Variants in TMEM213 observed in about 807,000 individuals in gnomAD.
TMEM213 encodes the protein transmembrane protein 213.
TMEM213 carries 7 observed loss-of-function variants against 11.6 expected under a neutral mutation model. That is an observed-to-expected ratio of 0.60 (90% CI 0.34 to 1.13). The LOEUF is 1.13. Ranked by LOEUF, TMEM213 falls within the 50% of genes most tolerant of loss-of-function variation. The pLI, the probability that TMEM213 is intolerant of heterozygous loss-of-function variation, is 0.03. For missense variants in TMEM213, 129 were observed against 139.0 expected, an observed-to-expected ratio of 0.93 and a Z score of 0.36; for synonymous variants, 60 against 58.3, an observed-to-expected ratio of 1.03 and a Z score of -0.13.
chr7:138,799,171 G>A (rs1303359489), intron 1 of TMEM213: 4 of 152,144 alleles, frequency 2.6e-5, no homozygotes, highest in South Asian at 2.1e-4. Context: ...TTGTCAAGAC[G>A]AATTGATGTA....
intron 1 of TMEM213, among the ~76,000 whole-genome samples, chr7:138,799,888 A>G (rs946709077): frequency 1.2e-4 from 18 of 152,174 alleles, no homozygotes; most frequent in Non-Finnish European, 2.4e-4. Flanking sequence ...TCATGGCTTT[A>G]GCTAAACAGC....
intron 1 of TMEM213, 22 bp downstream of exon 1, chr7:138,798,208 A>G (rs1808788582): frequency 6.4e-7 from 1 of 1,566,710 alleles, no homozygotes; most frequent in South Asian, 1.2e-5. Context: ...AGCTTTATTC[A>G]TGGCCAGGCT....
chr7:138,802,760 C>T (rs1808988747), intron 2 of TMEM213, 140 bp from the exon 3 acceptor site: 5 of 810,774 alleles, frequency 6.2e-6, no homozygotes, highest in Middle Eastern at 3.8e-4. Context: ...TGTAAAAGCA[C>T]GCAGCACAGT....
In TMEM213 at chr7:138,803,304, G is replaced by A; in HGVS notation, c.*235G>A. The A allele has an allele frequency of 1.8e-6, 1 of 540,618 alleles. No individual in the cohort carries two copies. The highest frequency in any genetic ancestry group is 3.3e-6 in the Non-Finnish European group (1 of 303,216). 33.5% of individuals were successfully genotyped at this position (540,618 alleles called of 1,614,324 possible). ...CCCAGGTAACTCCTCTCTCAAGATA[G>A]TCCCTCTGTAATGTATCCTGTTTTA... is the stretch of plus-strand genomic sequence containing the variant. On this transcript the variant is annotated 3_prime_UTR_variant, in exon 3 of 3. Coordinates refer to ENST00000442682, the MANE Select transcript of TMEM213 (RefSeq NM_001085429.2).
Position 138,804,048 on chromosome 7 carries a change from G to A in TMEM213, c.*979G>A, listed in dbSNP as rs568755053. Reference sequence around the variant, plus strand: ...CTTCTGGCTTCATCCTGTCTTCCACGGCTCTCCTGTCCCACCTATTCTCCC... The same window carrying A: ...CTTCTGGCTTCATCCTGTCTTCCACAGCTCTCCTGTCCCACCTATTCTCCC... On this transcript the variant is annotated 3_prime_UTR_variant, in exon 3 of 3. Coordinates refer to ENST00000442682, the MANE Select transcript of TMEM213 (RefSeq NM_001085429.2). 26 of 152,658 alleles carry A rather than the reference G, an allele frequency of 1.7e-4. No homozygotes were observed. Among genetic ancestry groups the A allele is most frequent in the Admixed American group, 5.2e-4 (8 of 15,272 alleles). 9.5% of individuals were successfully genotyped at this position (152,658 alleles called of 1,614,324 possible).
rs1214644597 is a variant in TMEM213, at chr7:138,800,303, G to A, written c.83-1024G>A. Among the ~76,000 whole-genome samples the A allele has an allele frequency of 4.6e-5, 7 of 152,198 alleles. No individual in the cohort carries two copies. In the East Asian group the frequency reaches 5.8e-4, roughly 13 times the overall value. On this transcript the variant is annotated intron_variant, in intron 1 of 2. Transcript: ENST00000442682. ...CAACCACAGGTGGCTAGTGGCTGCC[G>A]TATTGAACAGTATGGACTTAGAGGT...
rs183914031 is a variant in TMEM213, at chr7:138,805,708, G to A, written c.*2639G>A. 1.4e-4 allele frequency: 22 copies of A among 152,266 alleles called. No homozygotes were observed. The highest frequency in any genetic ancestry group is 2.5e-4 in the Non-Finnish European group (17 of 68,020). The allele number at this position is 152,266 out of a possible 1,614,324, so 9.4% of individuals were successfully genotyped here. On this transcript the variant is annotated 3_prime_UTR_variant, in exon 3 of 3. Transcript: ENST00000442682. ...ATCTCACTGAGCACCAATTTTACAC[G>A]TGGAAAATAGAAGAATTGGACCAAA...
At chr7:138,798,540 A>G (rs1331315895) in intron 1 of TMEM213, among the ~76,000 whole-genome samples, 1 of 152,112 alleles carries the variant, frequency 6.6e-6, no homozygotes, top group Admixed American at 6.5e-5. Flanking sequence ...CTGTGTCCTG[A>G]AGGCTCCTTC....
rs1364945872 is a variant in TMEM213, at chr7:138,803,502, G to A, written c.*433G>A. ...ATTTCAGAATCTGAGAATCAGTCAG[G>A]TATGGTGGCTCATGCCTGTAATCCC... On this transcript the variant is annotated 3_prime_UTR_variant, in exon 3 of 3. Transcript: ENST00000442682. 1.6e-5 allele frequency: 3 copies of A among 188,176 alleles called. No individual in the cohort carries two copies. Among genetic ancestry groups the A allele is most frequent in the Non-Finnish European group, 3.3e-5 (3 of 90,124 alleles). 11.7% of individuals were successfully genotyped at this position (188,176 alleles called of 1,614,324 possible).
rs899373762 is a variant in TMEM213, at chr7:138,798,192, G to A, written c.82+6G>A. Reference sequence around the variant, plus strand: ...CCACTCGGCTTGCTCGGCAGGTAGCGTTATGAGCTTTATTCATGGCCAGGC... The same window carrying A: ...CCACTCGGCTTGCTCGGCAGGTAGCATTATGAGCTTTATTCATGGCCAGGC... On this transcript the variant is annotated splice_donor_region_variant and intron_variant, in intron 1 of 2. Transcript: ENST00000442682. 17 of 1,585,424 alleles carry A rather than the reference G, an allele frequency of 1.1e-5. No homozygotes were observed. The highest frequency in any genetic ancestry group is 2.3e-5 in the East Asian group (1 of 43,540).
intron 1 of TMEM213, among the ~76,000 whole-genome samples, chr7:138,800,363 C>G (rs535923187): frequency 2.6e-5 from 4 of 152,142 alleles, no homozygotes; most frequent in Admixed American, 6.5e-5. Flanking sequence ...TGGACAGGAA[C>G]CTGGATGCCT....
chr7:138,800,707 T>TTC (rs1563030199), intron 1 of TMEM213, among the ~76,000 whole-genome samples: 3 of 123,260 alleles, frequency 2.4e-5, no homozygotes, highest in African/African-American at 6.8e-5. Context: ...TCTTCTTCTT[T>TTC]TTTTTTTTTT....
chr7:138,802,903 T>C lies in TMEM213; in HGVS notation c.158T>C (p.Val53Ala), dbSNP rs1410187017. The C allele has an allele frequency of 1.3e-6, 2 of 1,568,582 alleles. No homozygotes were observed. The highest frequency in any genetic ancestry group is 1.2e-5 in the South Asian group (1 of 83,206). The change falls in exon 3 of 3, where the codon GTG (valine) becomes GCG (alanine). Residue 53 changes from valine to alanine, a missense_variant. Val to Ala is a moderately conservative substitution (Grantham distance 64). Transcript: ENST00000442682. ...CTTGCTGTCCCTTCCCCACCAGACG[T>C]GGACTTCTGCCCACAAGCAGCCCGG... Reference protein sequence around the residue: ...DPGTLEQCLNVDFCPQAARCC... With the variant: ...DPGTLEQCLNADFCPQAARCC...
intron 1 of TMEM213, 76 bp from the exon 2 acceptor site, chr7:138,801,251 C>CA (rs1387388423): frequency 1.8e-4 from 252 of 1,369,304 alleles, no homozygotes; most frequent in Non-Finnish European, 1.5e-4. Context: ...TACTGATTTA[C>CA]AAAAAACATT....
In TMEM213 at chr7:138,798,121, C is replaced by T; in HGVS notation, c.17C>T (p.Ala6Val). MQRLP[A>V]ATRATLILSL... ...GCCTCCAGCATGCAGCGCCTCCCCG[C>T]TGCCACCCGGGCCACCCTGATCCTC... is the stretch of plus-strand genomic sequence containing the variant. Residue 6 changes from alanine (A) to valine (V), a missense_variant, in exon 1 of 3, where the codon GCT becomes GTT. Physicochemically the swap from Ala to Val is moderately conservative, Grantham distance 64. Transcript: ENST00000442682. 1 of 1,600,652 alleles carries T rather than the reference C, an allele frequency of 6.2e-7. No homozygotes were observed. Among genetic ancestry groups the T allele is most frequent in the Non-Finnish European group, 8.5e-7 (1 of 1,174,262 alleles).
Position 138,803,045 on chromosome 7 carries a change from T to C in TMEM213, c.300T>C (p.Asp100=). 6.2e-7 allele frequency: 1 copy of C among 1,613,698 alleles called. No homozygotes were observed. Among genetic ancestry groups the C allele is most frequent in the Non-Finnish European group, 8.5e-7 (1 of 1,179,846 alleles). Residue 100 remains aspartate (D), a synonymous_variant, in exon 3 of 3, where the codon GAT becomes GAC. Coordinates refer to ENST00000442682, the MANE Select transcript of TMEM213 (RefSeq NM_001085429.2). The stretch of plus-strand genomic sequence containing the variant: ...ACAAACTGATGAAGCTGACTCCAGA[T>C]GAGCCCAAGGACTTGCAAGCGTGAG... ...CVDKLMKLTP[D]EPKDLQA is the part of the protein sequence containing the mutation.
chr7:138,799,435 C>G (rs1808855429), intron 1 of TMEM213: 1 of 152,186 alleles, frequency 6.6e-6, no homozygotes, highest in African/African-American at 2.4e-5. Context: ...GCCAGTCCCT[C>G]CCTCGCTTCT....
intron 1 of TMEM213, among the ~76,000 whole-genome samples, chr7:138,799,105 A>G (rs1035586946): frequency 6.6e-6 from 1 of 152,156 alleles, no homozygotes; most frequent in African/African-American, 2.4e-5. Context: ...CGAGCAAATG[A>G]CTTTACCTCT....
rs368836515 is a variant in TMEM213, at chr7:138,803,081, G to A, written c.*12G>A. 3.4e-5 allele frequency: 55 copies of A among 1,610,508 alleles called. No individual in the cohort carries two copies. In the African/African-American group the frequency reaches 4.1e-4, roughly 12 times the overall value. ...ACTTGCAAGCGTGAGACCCAGGCTC[G>A]GTGCACAAAATGGTGATCGCCACCA... On this transcript the variant is annotated 3_prime_UTR_variant, in exon 3 of 3. Transcript: ENST00000442682.
Sources: gnomAD v4.1 joint callset for allele counts (sites outside exome capture counted in the v4.1 genomes callset) on GRCh38, gnomAD v4.1.1 for gene constraint, MANE v1.5 for transcripts, NCBI Gene and HGNC (gene_info 2026-07-23, HGNC 2026-07-21) for gene names.